POR: variants seen among roughly 807,000 people sequenced by gnomAD.
The protein encoded by POR is cytochrome p450 oxidoreductase.
Under a neutral mutation model 84.0 loss-of-function variants are expected in POR, and 56 were observed. The ratio of observed to expected loss-of-function variants is 0.67; its 90% confidence interval spans 0.54 to 0.83. The LOEUF (loss-of-function observed/expected upper bound fraction) is 0.83, where lower values mean the gene tolerates loss of function less well. POR is among the 40% of genes least tolerant of loss of function. The probability of loss-of-function intolerance (pLI) is 0.00; values close to 1 mark genes in which losing one functional copy is unlikely to be tolerated. For missense variants in POR, 938 were observed against 944.3 expected (o/e 0.99, Z 0.09); for synonymous variants, 414 against 400.5 (o/e 1.03, Z -0.40).
In POR at chr7:75,950,303, T is replaced by G. The variant is rs1787357853; in HGVS notation, c.-4-3686T>G. Among the ~76,000 whole-genome samples the G allele has an allele frequency of 3.3e-5, 5 of 152,240 alleles. No homozygotes were observed. The South Asian group carries it at 1.0e-3, about 31-fold the overall frequency. On this transcript the variant is annotated intron_variant, in intron 1 of 15. Transcript: ENST00000461988. ...ACTCCCAGCGTCGTCGATTTATTAA[T>G]AGAAACTGCCATGAGTTATGCAATC... is the stretch of plus-strand genomic sequence containing the variant.
At chr7:75,916,286 G>T (rs749927287) in intron 1 of POR, among the ~76,000 whole-genome samples, 58 of 152,182 alleles carry the variant, frequency 3.8e-4, no homozygotes, top group Non-Finnish European at 6.8e-4. Flanking sequence ...CCCTCTGGGG[G>T]ATCCAGTATC....
intron 1 of POR, among the ~76,000 whole-genome samples, chr7:75,916,955 T>C (rs573320165): frequency 1.3e-5 from 2 of 152,288 alleles, no homozygotes; most frequent in East Asian, 3.9e-4. Context: ...GTTAGGTAAG[T>C]CTGTGTATGA....
intron 1 of POR, among the ~76,000 whole-genome samples, chr7:75,930,389 G>A (rs969464472): frequency 5.9e-5 from 9 of 152,124 alleles, no homozygotes; most frequent in Non-Finnish European, 8.8e-5. Flanking sequence ...GGCTGAGGTG[G>A]GAGGATCACT....
chr7:75,928,221 G>A (rs904459143), intron 1 of POR, among the ~76,000 whole-genome samples: 5 of 152,122 alleles, frequency 3.3e-5, no homozygotes, highest in South Asian at 2.1e-4. Context: ...CACCCGCCTC[G>A]GCCTCTCAAA....
rs781961082 is a variant in POR at position 75,986,333 on chromosome 7, C to A, written c.1899-4C>A. 18 of 1,612,558 alleles carry A rather than the reference C, an allele frequency of 1.1e-5. No homozygotes were observed. Among genetic ancestry groups the A allele is most frequent in the African/African-American group, 2.7e-5 (2 of 75,014 alleles). On this transcript the variant is annotated splice_polypyrimidine_tract_variant and splice_region_variant and intron_variant, in intron 15 of 15. Coordinates refer to ENST00000461988, the MANE Select transcript of POR (RefSeq NM_000941.3). ...AGCCCCCAGCACCCCCTCTTCCTGC[C>A]CAGGGATGCACGGAACATGGCCAGG...
At chr7:75,916,870 T>TA (rs1490597087) in intron 1 of POR, among the ~76,000 whole-genome samples, 15 of 152,104 alleles carry the variant, frequency 9.9e-5, no homozygotes, top group Non-Finnish European at 2.2e-4. Context: ...CTGCCAGACA[T>TA]ACCTGAATTT....
At chr7:75,951,409 A>AAT (rs781849542) in intron 1 of POR, among the ~76,000 whole-genome samples, 1 of 152,126 alleles carries the variant, frequency 6.6e-6, no homozygotes, top group Non-Finnish European at 1.5e-5. Context: ...AATAAAATAA[A>AAT]AAAGAAAGAA....
Position 75,982,829 on chromosome 7 carries a change from G to A in POR, c.830+507G>A, listed in dbSNP as rs1474049148. ...GCTGGAGCGAGAAGCCCTGCATGTC[G>A]GTGGCTTTCCGGAGTGCAAGTTTCT... is the stretch of plus-strand genomic sequence containing the variant. On this transcript the variant is annotated intron_variant, in intron 8 of 15. Coordinates refer to ENST00000461988, the MANE Select transcript of POR (RefSeq NM_000941.3). 9.9e-5 allele frequency among the ~76,000 whole-genome samples: 15 copies of A among 152,274 alleles called. No homozygotes were observed. In the South Asian group the frequency reaches 2.1e-3, roughly 21 times the overall value.
intron 1 of POR, among the ~76,000 whole-genome samples, chr7:75,927,968 CTT>C (rs1243977285): frequency 1.9e-5 from 2 of 106,998 alleles, no homozygotes; most frequent in Admixed American, 9.9e-5. Context: ...TCTCAGGTTT[CTT>C]TTTTTTTTTT....
intron 1 of POR, among the ~76,000 whole-genome samples, chr7:75,940,868 A>G (rs1554551420): frequency 6.6e-6 from 1 of 151,668 alleles, no homozygotes; most frequent in Non-Finnish European, 1.5e-5. Flanking sequence ...TATCAACAAC[A>G]AAGATGCAGG....
intron 1 of POR, among the ~76,000 whole-genome samples, chr7:75,929,113 C>T (rs1222248163): frequency 6.6e-6 from 1 of 152,150 alleles, no homozygotes; most frequent in African/African-American, 2.4e-5. Flanking sequence ...CATGACCGTC[C>T]TTAGTCACCA....
chr7:75,978,026 G>A (rs1161737101), intron 3 of POR, among the ~76,000 whole-genome samples: 2 of 152,150 alleles, frequency 1.3e-5, no homozygotes, highest in Non-Finnish European at 2.9e-5. Flanking sequence ...GGACTGACGA[G>A]TATGTGAGCC....
At chr7:75,957,745 A>G (rs1366585109) in intron 2 of POR, among the ~76,000 whole-genome samples, 2 of 152,114 alleles carry the variant, frequency 1.3e-5, no homozygotes, top group African/African-American at 2.4e-5. Context: ...CCACCTAATC[A>G]TGATCTTCTA....
intron 1 of POR, among the ~76,000 whole-genome samples, chr7:75,950,223 G>A (rs532127289): frequency 9.9e-5 from 15 of 152,278 alleles, no homozygotes; most frequent in African/African-American, 3.1e-4. Context: ...GGAATGGCCC[G>A]TCCATCAGAA....
At chr7:75,922,824 A>C in intron 1 of POR, 1 of 518,346 alleles carries the variant, frequency 1.9e-6, no homozygotes, top group South Asian at 2.1e-5. Flanking sequence ...AGGCTTATCA[A>C]GGCCTCAAAG....
At chr7:75,981,309 G>T (rs1789027940) in intron 6 of POR, 137 bp downstream of exon 6, 1 of 1,351,386 alleles carries the variant, frequency 7.4e-7, no homozygotes, top group Non-Finnish European at 9.8e-7. Context: ...GGGCTCTCCT[G>T]CCTCTGCCCT....
In POR at chr7:75,981,582, T is replaced by G; in HGVS notation, c.707T>G (p.Val236Gly). The G allele has an allele frequency of 6.2e-7, 1 of 1,612,682 alleles. No homozygotes were observed. Among genetic ancestry groups the G allele is most frequent in the East Asian group, 2.2e-5 (1 of 44,840 alleles). Residue 236 changes from valine to glycine, a missense_variant, in exon 7 of 16, where the codon GTG becomes GGG. Coordinates refer to ENST00000461988, the MANE Select transcript of POR (RefSeq NM_000941.3). ...CCGGCCGTGTGTGAACACTTTGGGG[T>G]GGAAGCCACTGGCGAGGAGTCCAGG...
At chr7:75,926,811 A>G (rs1331341211) in intron 1 of POR, among the ~76,000 whole-genome samples, 1 of 152,106 alleles carries the variant, frequency 6.6e-6, no homozygotes, top group Non-Finnish European at 1.5e-5. Context: ...AAAAACAAAA[A>G]CAAATATTGA....
chr7:75,985,102 G>A lies in POR; in HGVS notation c.1293G>A (p.Leu431=). ...TGGTGGAGGCCCGGAGGCACATCCT[G>A]GCCATCCTGCAGGACTGCCCGTCCC... Residue 431 remains leucine (L), a synonymous_variant, in exon 12 of 16, where the codon CTG becomes CTA. Transcript: ENST00000461988. 6.2e-7 allele frequency: 1 copy of A among 1,600,058 alleles called. No individual in the cohort carries two copies. Among genetic ancestry groups the A allele is most frequent in the South Asian group, 1.1e-5 (1 of 91,064 alleles).
Sources: allele counts gnomAD v4.1 joint callset (sites outside exome capture counted in the v4.1 genomes callset), GRCh38; gene constraint gnomAD v4.1.1; transcripts MANE v1.5; gene names NCBI Gene and HGNC (gene_info 2026-07-23, HGNC 2026-07-21).